The following CDKAL1 variants were observed in gnomAD, a reference collection of about 807,000 sequenced individuals.
The protein encoded by CDKAL1 is CDKAL1 threonylcarbamoyladenosine tRNA methylthiotransferase, also known as threonylcarbamoyladenosine tRNA methylthiotransferase.
A neutral mutation model predicts 68.2 loss-of-function variants in CDKAL1; 32 were observed. The ratio of observed to expected loss-of-function variants is 0.47; its 90% CI spans 0.35 to 0.63. The LOEUF (loss-of-function observed/expected upper bound fraction) is 0.63. Ranked by LOEUF, CDKAL1 falls within the 30% of genes least tolerant of loss-of-function variation. CDKAL1 has a pLI of 0.00. For synonymous variants in CDKAL1, 234 were observed against 244.3 expected, an observed-to-expected ratio of 0.96 and a Z score of 0.39; for missense variants, 606 against 696.7, an observed-to-expected ratio of 0.87 and a Z score of 1.47.
At chr6:21,132,338 A>T (rs991146733) in intron 13 of CDKAL1, among the ~76,000 whole-genome samples, 2 of 152,190 alleles carry the variant, frequency 1.3e-5, no homozygotes, top group Non-Finnish European at 1.5e-5. Context: ...AGAATTTATA[A>T]CAGTGTGGAA....
intron 11 of CDKAL1, among the ~76,000 whole-genome samples, chr6:21,063,134 C>T (rs546215234): frequency 9.9e-5 from 15 of 152,186 alleles, no homozygotes; most frequent in Non-Finnish European, 1.8e-4. Flanking sequence ...AGGCTGGTCT[C>T]GAACTCCTGA....
chr6:20,888,473 A>T, intron 9 of CDKAL1, among the ~76,000 whole-genome samples: 1 of 144,330 alleles, frequency 6.9e-6, no homozygotes, highest in African/African-American at 2.6e-5. Context: ...GAACCCATTA[A>T]CTCGTCATTT....
intron 6 of CDKAL1, among the ~76,000 whole-genome samples, chr6:20,751,546 A>C (rs753818627): frequency 2.0e-5 from 3 of 152,266 alleles, no homozygotes; most frequent in Non-Finnish European, 4.4e-5. Context: ...CTGAGTGATT[A>C]GGATACTTTA....
intron 7 of CDKAL1, among the ~76,000 whole-genome samples, chr6:20,761,104 AACAG>A (rs1281647744): frequency 1.3e-5 from 2 of 152,058 alleles, no homozygotes; most frequent in African/African-American, 2.4e-5. Context: ...AAAAGACCTG[AACAG>A]ACAATTTACT....
At chr6:20,714,127 T>TA in intron 5 of CDKAL1, among the ~76,000 whole-genome samples, 1 of 151,728 alleles carries the variant, frequency 6.6e-6, no homozygotes. Context: ...TTTATCATAA[T>TA]AACATGAAGG....
At chr6:20,988,891 C>T (rs1051254452) in intron 10 of CDKAL1, among the ~76,000 whole-genome samples, 15 of 150,958 alleles carry the variant, frequency 9.9e-5, no homozygotes, top group Admixed American at 2.0e-4. Context: ...ATCTCCTTAC[C>T]TCATGATCCA....
At chr6:21,187,313 G>A (rs1313226238) in intron 13 of CDKAL1, among the ~76,000 whole-genome samples, 1 of 152,114 alleles carries the variant, frequency 6.6e-6, no homozygotes, top group African/African-American at 2.4e-5. Flanking sequence ...TAATCTCTAA[G>A]GGACCTGTAT....
chr6:20,625,500 T>C (rs1767388759), intron 4 of CDKAL1, among the ~76,000 whole-genome samples: 1 of 152,108 alleles, frequency 6.6e-6, no homozygotes, highest in African/African-American at 2.4e-5. Flanking sequence ...TGAATATCTC[T>C]TTAACTTATG....
intron 11 of CDKAL1, among the ~76,000 whole-genome samples, chr6:21,012,568 C>T (rs558268714): frequency 6.6e-6 from 1 of 152,056 alleles, no homozygotes; most frequent in African/African-American, 2.4e-5. Context: ...ATTTAAAGCT[C>T]CCATTTGAAA....
chr6:21,174,958 T>C (rs1216113323), intron 13 of CDKAL1, among the ~76,000 whole-genome samples: 1 of 152,178 alleles, frequency 6.6e-6, no homozygotes, highest in Non-Finnish European at 1.5e-5. Context: ...AAAAATAAAG[T>C]AGGGCTTTAT....
chr6:20,758,477 A>G, intron 6 of CDKAL1, 118 bp from the exon 7 acceptor site: 1 of 726,458 alleles, frequency 1.4e-6, no homozygotes, highest in Non-Finnish European at 2.3e-6. Flanking sequence ...AAATACATTA[A>G]AGGAAACCTG....
At chr6:21,208,211 A>G (rs1779016168) in intron 15 of CDKAL1, among the ~76,000 whole-genome samples, 1 of 152,160 alleles carries the variant, frequency 6.6e-6, no homozygotes, top group Non-Finnish European at 1.5e-5. Flanking sequence ...CGCGCTTGGA[A>G]AGGAAGCAGA....
At chr6:21,099,742 C>T (rs992233183) in intron 12 of CDKAL1, among the ~76,000 whole-genome samples, 8 of 152,168 alleles carry the variant, frequency 5.3e-5, no homozygotes, top group South Asian at 2.1e-4. Context: ...AACCATTGTG[C>T]GGTATGTGGT....
chr6:20,926,921 A>T (rs942515942), intron 9 of CDKAL1, among the ~76,000 whole-genome samples: 7 of 147,076 alleles, frequency 4.8e-5, no homozygotes, highest in Non-Finnish European at 3.0e-5. Flanking sequence ...TTACATATAT[A>T]TTTTTATATA....
intron 4 of CDKAL1, among the ~76,000 whole-genome samples, chr6:20,641,854 A>G (rs113039782): frequency 6.6e-6 from 1 of 151,968 alleles, no homozygotes; most frequent in Non-Finnish European, 1.5e-5. Flanking sequence ...ACACATGTGT[A>G]TGGGTATGTG....
At chr6:21,073,386 G>C (rs1222851348) in intron 12 of CDKAL1, among the ~76,000 whole-genome samples, 1 of 152,140 alleles carries the variant, frequency 6.6e-6, no homozygotes, top group African/African-American at 2.4e-5. Flanking sequence ...TATGTTTATA[G>C]AAGTATGTTT....
chr6:20,780,767 G>A (rs1018307965), intron 7 of CDKAL1, among the ~76,000 whole-genome samples: 8 of 147,506 alleles, frequency 5.4e-5, no homozygotes, highest in Non-Finnish European at 1.0e-4. Context: ...TCCGCCTCCC[G>A]GGCTCGAGCT....
chr6:21,070,819 C>A (rs532763122), intron 12 of CDKAL1, among the ~76,000 whole-genome samples: 1 of 152,272 alleles, frequency 6.6e-6, no homozygotes, highest in Non-Finnish European at 1.5e-5. Flanking sequence ...TCGTAACTGT[C>A]CCTGGGCCAA....
chr6:20,998,099 A>G (rs1386601507), intron 10 of CDKAL1, among the ~76,000 whole-genome samples: 1 of 152,150 alleles, frequency 6.6e-6, no homozygotes, highest in Non-Finnish European at 1.5e-5. Context: ...GTCATTTCTC[A>G]CCGCAATAGA....
Sources: allele counts gnomAD v4.1 joint callset (sites outside exome capture counted in the v4.1 genomes callset), GRCh38; gene constraint gnomAD v4.1.1; transcripts MANE v1.5; gene names NCBI Gene and HGNC (gene_info 2026-07-23, HGNC 2026-07-21).